AOPEP: variants seen among roughly 807,000 people sequenced by gnomAD.
The protein encoded by AOPEP is aminopeptidase O.
In AOPEP, 77 loss-of-function variants were observed where a neutral mutation model predicts 98.1. That is an observed-to-expected ratio of 0.78 (90% CI 0.65 to 0.95). The LOEUF (loss-of-function observed/expected upper bound fraction) is 0.95, where lower values mean the gene tolerates loss of function less well. AOPEP is among the 40% of genes least tolerant of loss of function. AOPEP has a pLI of 0.00. For synonymous variants in AOPEP, 346 were observed against 365.3 expected, an observed-to-expected ratio of 0.95 and a Z score of 0.60; for missense variants, 1,024 against 1,024.7, an observed-to-expected ratio of 1.00 and a Z score of 0.01.
chr9:95,080,665 G>A (rs373101479), intron 14 of AOPEP, 29 bp from the exon 15 acceptor site: 1,457 of 1,576,028 alleles, frequency 9.2e-4, no homozygotes, highest in Non-Finnish European at 1.2e-3. Flanking sequence ...CCTGCTTGTC[G>A]CTCACTGGGC....
chr9:95,148,677 G>A, the AOPEP span, among the ~76,000 whole-genome samples: 1 of 152,194 alleles, frequency 6.6e-6, no homozygotes, highest in East Asian at 1.9e-4. Context: ...CTCAATGAAT[G>A]AAGATTTTCC....
chr9:95,082,574 G>T lies in AOPEP; in HGVS notation c.2320-1G>T. 1 of 1,614,102 alleles carries T rather than the reference G, an allele frequency of 6.2e-7. No homozygotes were observed. The highest frequency in any genetic ancestry group is 8.5e-7 in the Non-Finnish European group (1 of 1,180,016). On this transcript the variant is annotated splice_acceptor_variant, in intron 15 of 16. Coordinates refer to ENST00000375315, the MANE Select transcript of AOPEP (RefSeq NM_001193329.3). LOFTEE classifies it high-confidence loss of function. Reference sequence around the variant, plus strand: ...TGCCCTTTGGCCTCTGTGCCCTGCAGGCCATGGGTGTGTACCTCTACGGGG... The same window carrying T: ...TGCCCTTTGGCCTCTGTGCCCTGCATGCCATGGGTGTGTACCTCTACGGGG...
At chr9:94,990,625 T>G (rs923407191) in intron 11 of AOPEP, among the ~76,000 whole-genome samples, 2 of 151,950 alleles carry the variant, frequency 1.3e-5, no homozygotes, top group East Asian at 3.9e-4. Context: ...ATTAATTAAT[T>G]AATTAATTAA....
At chr9:94,849,653 G>A (rs536480440) in intron 5 of AOPEP, among the ~76,000 whole-genome samples, 3 of 152,044 alleles carry the variant, frequency 2.0e-5, no homozygotes, top group South Asian at 4.2e-4. Context: ...GTCCCACTTC[G>A]AATCATCAGG....
chr9:95,071,288 C>G (rs943437514), intron 14 of AOPEP, among the ~76,000 whole-genome samples: 8 of 111,960 alleles, frequency 7.1e-5, no homozygotes, highest in African/African-American at 1.7e-4. Context: ...ACCCTCCCCC[C>G]GCCCCACACA....
At chr9:94,913,205 A>G (rs993295082) in intron 5 of AOPEP, among the ~76,000 whole-genome samples, 2 of 152,238 alleles carry the variant, frequency 1.3e-5, no homozygotes, top group South Asian at 2.1e-4. Context: ...TAGATATCCA[A>G]TAAACCTGAT....
the AOPEP span, chr9:95,150,109 A>C: frequency 6.2e-7 from 1 of 1,613,566 alleles, no homozygotes; most frequent in Non-Finnish European, 8.5e-7. Context: ...ATAAGAAATA[A>C]TCACTCAAAT....
At chr9:94,800,097 G>A (rs1332959155) in intron 4 of AOPEP, among the ~76,000 whole-genome samples, 1 of 152,154 alleles carries the variant, frequency 6.6e-6, no homozygotes, top group East Asian at 1.9e-4. Context: ...TTCCTTAAAA[G>A]GCTGGCTCAG....
At chr9:95,059,722 G>A (rs925212581) in intron 13 of AOPEP, among the ~76,000 whole-genome samples, 2 of 152,168 alleles carry the variant, frequency 1.3e-5, no homozygotes, top group African/African-American at 4.8e-5. Flanking sequence ...ACCTGTAATT[G>A]GGATTGACAG....
At chr9:94,828,778 T>A (rs565135915) in intron 5 of AOPEP, among the ~76,000 whole-genome samples, 3 of 151,386 alleles carry the variant, frequency 2.0e-5, no homozygotes. Context: ...ATAAATCACA[T>A]ACTTTAGTTA....
chr9:94,991,292 C>T (rs2060878944), intron 11 of AOPEP, among the ~76,000 whole-genome samples: 1 of 152,160 alleles, frequency 6.6e-6, no homozygotes, highest in African/African-American at 2.4e-5. Context: ...ACATTTAATA[C>T]CTGCATGGTA....
chr9:95,041,360 TAA>T (rs543941383), intron 13 of AOPEP, among the ~76,000 whole-genome samples: 1 of 144,388 alleles, frequency 6.9e-6, no homozygotes, highest in Non-Finnish European at 1.5e-5. Flanking sequence ...AAATAAGATT[TAA>T]AAAAAAAAAA....
At chr9:95,079,525 G>A (rs982834915) in intron 14 of AOPEP, among the ~76,000 whole-genome samples, 1 of 152,228 alleles carries the variant, frequency 6.6e-6, no homozygotes, top group Non-Finnish European at 1.5e-5. Flanking sequence ...GTGCTTTGAT[G>A]CAGTAGAAAA....
In AOPEP at chr9:94,731,505, C is replaced by T. The variant is rs549943896; in HGVS notation, c.-136+4754C>T. Among the ~76,000 whole-genome samples, 8 of 152,242 alleles carry T rather than the reference C, an allele frequency of 5.3e-5. No individual in the cohort carries two copies. The South Asian group carries it at 1.0e-3, about 20-fold the overall frequency. On this transcript the variant is annotated intron_variant, in intron 1 of 16. Coordinates refer to ENST00000375315, the MANE Select transcript of AOPEP (RefSeq NM_001193329.3). ...CCTCCCAAAGTGCTGGGATTACAGGCGTGAGCCACCGTGCCCGGCCCAACT... is the reference window on the plus strand; with the variant it reads ...CCTCCCAAAGTGCTGGGATTACAGGTGTGAGCCACCGTGCCCGGCCCAACT...
chr9:94,759,861 T>G lies in AOPEP; in HGVS notation c.78T>G (p.Tyr26Ter). Residue 26 changes from tyrosine to a stop codon, truncating the protein, a stop_gained, in exon 2 of 17, where the codon TAT (tyrosine) becomes TAG (stop). Coordinates refer to ENST00000375315, the MANE Select transcript of AOPEP (RefSeq NM_001193329.3). LOFTEE classifies it high-confidence loss of function. ...CCAGCCACATACTTGTGAAGCACTA[T>G]GTACTGGATTTGGATGTGGATTTTG... is the stretch of plus-strand genomic sequence containing the variant. ...ANTSHILVKH[Y>*]VLDLDVDFES... The G allele has an allele frequency of 6.2e-7, 1 of 1,614,156 alleles. No individual in the cohort carries two copies. The highest frequency in any genetic ancestry group is 8.5e-7 in the Non-Finnish European group (1 of 1,180,016).
chr9:94,830,333 G>C (rs935037561), intron 5 of AOPEP, among the ~76,000 whole-genome samples: 2 of 152,152 alleles, frequency 1.3e-5, no homozygotes, highest in African/African-American at 2.4e-5. Context: ...GATGATAATG[G>C]CTTCCAGCTC....
At chr9:95,113,379 A>G in the AOPEP span, among the ~76,000 whole-genome samples, 2 of 152,242 alleles carry the variant, frequency 1.3e-5, no homozygotes, top group Admixed American at 1.3e-4. Flanking sequence ...GGGACAATGA[A>G]TAAAATTATA....
At chr9:95,103,111 G>C in the AOPEP span, among the ~76,000 whole-genome samples, 10 of 152,080 alleles carry the variant, frequency 6.6e-5, no homozygotes, top group African/African-American at 2.4e-4. Context: ...ACCCCTTTCA[G>C]TTAATATACC....
intron 8 of AOPEP, 72 bp from the exon 9 acceptor site, chr9:94,955,836 G>C: frequency 9.7e-7 from 1 of 1,029,070 alleles, no homozygotes. Flanking sequence ...GTTAGGTAGG[G>C]CTGACTATAT....
Sources: allele counts gnomAD v4.1 joint callset (sites outside exome capture counted in the v4.1 genomes callset), GRCh38; gene constraint gnomAD v4.1.1; transcripts MANE v1.5; gene names NCBI Gene and HGNC (gene_info 2026-07-23, HGNC 2026-07-21).